The following PSMD1 variants were observed in gnomAD, a reference collection of about 807,000 sequenced individuals.
PSMD1 encodes 26S proteasome non-ATPase regulatory subunit 1.
A neutral mutation model predicts 119.0 loss-of-function variants in PSMD1; 18 were observed. The ratio of observed to expected loss-of-function variants is 0.15; its 90% CI spans 0.10 to 0.22. PSMD1 has a LOEUF of 0.22. PSMD1 is among the 10% of genes least tolerant of loss of function. PSMD1 has a pLI of 1.00. For missense variants in PSMD1, 702 were observed against 1,158.5 expected (o/e 0.61, Z 5.72); for synonymous variants, 374 against 396.6 (o/e 0.94, Z 0.68).
chr2:231,099,473 C>G (rs183302017), intron 16 of PSMD1, among the ~76,000 whole-genome samples: 1 of 152,240 alleles, frequency 6.6e-6, no homozygotes, highest in East Asian at 1.9e-4. Flanking sequence ...GTTGCTTTTT[C>G]CTAAGTTTAG....
intron 16 of PSMD1, among the ~76,000 whole-genome samples, chr2:231,094,936 A>G (rs772998661): frequency 6.6e-6 from 1 of 152,220 alleles, no homozygotes; most frequent in Non-Finnish European, 1.5e-5. Context: ...TGCAGCTTGT[A>G]TAGTTGACTT....
chr2:231,098,555 TTCTC>T (rs145547548), intron 16 of PSMD1, among the ~76,000 whole-genome samples: 29 of 147,800 alleles, frequency 2.0e-4, no homozygotes, highest in Non-Finnish European at 3.2e-4. Context: ...CCCCTTTCTC[TTCTC>T]TCTCTCTCTC....
At position 231,057,005 on chromosome 2, in the gene PSMD1, G is replaced by C; in HGVS notation, c.-21G>C. The C allele has an allele frequency of 1.9e-6, 3 of 1,540,058 alleles. No individual in the cohort carries two copies. The highest frequency in any genetic ancestry group is 2.6e-6 in the Non-Finnish European group (3 of 1,144,378). On this transcript the variant is annotated 5_prime_UTR_variant, in exon 1 of 25. Coordinates refer to ENST00000308696, the MANE Select transcript of PSMD1 (RefSeq NM_002807.4). The stretch of plus-strand genomic sequence containing the variant: ...CAGCTGGAACGGCGAGCGAGCCGAC[G>C]GGCGAGTGAGGGGCGCAGCCATGAT...
chr2:231,145,445 G>A (rs917321241), intron 17 of PSMD1, among the ~76,000 whole-genome samples: 1 of 152,154 alleles, frequency 6.6e-6, no homozygotes, highest in African/African-American at 2.4e-5. Context: ...GAGGGCGTAC[G>A]ACACTATTGT....
At chr2:231,161,066 G>T (rs1347886394) in intron 19 of PSMD1, among the ~76,000 whole-genome samples, 1 of 151,962 alleles carries the variant, frequency 6.6e-6, no homozygotes, top group East Asian at 1.9e-4. Flanking sequence ...TTAAAAATCA[G>T]CCAGGTGTGG....
At chr2:231,148,278 C>T (rs1197613507) in intron 18 of PSMD1, among the ~76,000 whole-genome samples, 2 of 152,190 alleles carry the variant, frequency 1.3e-5, no homozygotes, top group African/African-American at 4.8e-5. Context: ...ATGGAATGCA[C>T]CTCCTCTAAC....
chr2:231,147,056 C>G (rs1003739415), intron 18 of PSMD1, among the ~76,000 whole-genome samples: 3 of 152,214 alleles, frequency 2.0e-5, no homozygotes, highest in African/African-American at 7.2e-5. Context: ...AGTGGACCCT[C>G]TGAACCCCTA....
At chr2:231,138,591 A>G in intron 16 of PSMD1, 145 bp from the exon 17 acceptor site, 4 of 609,944 alleles carry the variant, frequency 6.6e-6, no homozygotes, top group Non-Finnish European at 1.2e-5. Context: ...TTAGAACTCT[A>G]TGAAAGATTT....
intron 4 of PSMD1, among the ~76,000 whole-genome samples, chr2:231,063,636 G>A (rs917482915): frequency 2.0e-5 from 3 of 152,200 alleles, no homozygotes; most frequent in African/African-American, 7.2e-5. Flanking sequence ...TTTTTGCTAT[G>A]ATGATGTGAA....
intron 16 of PSMD1, among the ~76,000 whole-genome samples, chr2:231,109,992 T>C (rs1173983608): frequency 6.6e-6 from 1 of 152,222 alleles, no homozygotes. Flanking sequence ...TGAATCATGA[T>C]GTTGAAAGAT....
intron 16 of PSMD1, among the ~76,000 whole-genome samples, chr2:231,106,854 T>C (rs1008098271): frequency 6.6e-6 from 1 of 152,198 alleles, no homozygotes; most frequent in Non-Finnish European, 1.5e-5. Context: ...GAAACAATTA[T>C]GTATGCCTTC....
chr2:231,167,496 C>T (rs563149886), intron 23 of PSMD1, among the ~76,000 whole-genome samples: 10 of 152,258 alleles, frequency 6.6e-5, no homozygotes, highest in African/African-American at 2.4e-4. Flanking sequence ...ACAGTTGGTC[C>T]ACCTATGAAT....
At chr2:231,167,567 T>TACACAC (rs71396666) in intron 23 of PSMD1, among the ~76,000 whole-genome samples, 1 of 151,398 alleles carries the variant, frequency 6.6e-6, no homozygotes, top group African/African-American at 2.4e-5. Flanking sequence ...GGTATAGCCC[T>TACACAC]ACACACACAC....
intron 5 of PSMD1, among the ~76,000 whole-genome samples, chr2:231,068,373 G>A (rs111454435): frequency 0.022 from 3,386 of 152,148 alleles, 137 homozygotes; most frequent in African/African-American, 0.077. Context: ...CCTTGTCTTC[G>A]TGTGTGTAAG....
chr2:231,085,684 A>T lies in PSMD1; in HGVS notation c.1818+570A>T, dbSNP rs189866354. 1.4e-3 allele frequency among the ~76,000 whole-genome samples: 199 copies of T among 142,634 alleles called. 1 individual carries two copies. The highest frequency in any genetic ancestry group is 4.9e-3 in the African/African-American group (185 of 37,924). 93.6% of individuals were successfully genotyped at this position (142,634 alleles called of 152,430 possible). On this transcript the variant is annotated intron_variant, in intron 15 of 24. Transcript: ENST00000308696. ...CCGGGACCCCTAAGGAACATGATCT[A>T]TTACAAGAGATGCACTGCACAGGAA... is the stretch of plus-strand genomic sequence containing the variant.
Position 231,078,548 on chromosome 2 carries a change from T to A in PSMD1, c.1072-111T>A. 5.3e-6 allele frequency: 3 copies of A among 570,354 alleles called. No homozygotes were observed. The South Asian group carries it at 1.2e-4, about 22-fold the overall frequency. The allele number at this position is 570,354 out of a possible 1,614,324, so 35.3% of individuals were successfully genotyped here. On this transcript the variant is annotated intron_variant, in intron 9 of 24. Coordinates refer to ENST00000308696, the MANE Select transcript of PSMD1 (RefSeq NM_002807.4). ...CAAGATCCATATTTTAAATCTCAGT[T>A]CAGTTTGTTCATGCTTTTACCACAA...
chr2:231,075,641 G>A (rs889633200), intron 8 of PSMD1, 70 bp downstream of exon 8: 101 of 1,400,818 alleles, frequency 7.2e-5, no homozygotes, highest in Non-Finnish European at 9.1e-5. Context: ...ACGCAGTGGC[G>A]CGGTCTCGGC....
intron 19 of PSMD1, among the ~76,000 whole-genome samples, chr2:231,160,042 C>T (rs1401267806): frequency 6.6e-6 from 1 of 152,240 alleles, no homozygotes; most frequent in East Asian, 1.9e-4. Context: ...CCTAACAGGC[C>T]ATGGACAGGT....
intron 17 of PSMD1, among the ~76,000 whole-genome samples, chr2:231,143,835 G>T (rs990331456): frequency 1.3e-5 from 2 of 152,136 alleles, no homozygotes; most frequent in Non-Finnish European, 2.9e-5. Context: ...TGAAGAATAG[G>T]ATATTGGGGA....
Sources: allele counts gnomAD v4.1 joint callset (sites outside exome capture counted in the v4.1 genomes callset), GRCh38; gene constraint gnomAD v4.1.1; transcripts MANE v1.5; gene names NCBI Gene and HGNC (gene_info 2026-07-23, HGNC 2026-07-21).